The following WDR3 variants were observed in gnomAD, a reference collection of about 807,000 sequenced individuals.
WDR3 encodes WD repeat-containing protein 3.
A neutral mutation model predicts 123.7 loss-of-function variants in WDR3; 81 were observed. The ratio of observed to expected loss-of-function variants is 0.65; its 90% confidence interval spans 0.55 to 0.79. The LOEUF is 0.79. Among genes scored for constraint, WDR3 ranks in the 30% least tolerant of loss-of-function variants. WDR3 has a pLI of 0.00. For synonymous variants in WDR3, 390 were observed against 388.8 expected, an observed-to-expected ratio of 1.00 and a Z score of -0.04; for missense variants, 1,027 against 1,123.2, an observed-to-expected ratio of 0.91 and a Z score of 1.22.
Position 117,943,483 on chromosome 1 carries a change from T to A in WDR3, c.1185T>A (p.Asn395Lys). The change falls in exon 11 of 27, where the codon AAT (asparagine) becomes AAA (lysine). Residue 395 changes from asparagine (N) to lysine (K), a missense_variant. Transcript: ENST00000349139. ...ACCTGGTGGAATTGTATTCACTGAA[T>A]CCATCCTTGCCTACTCCTCAGCCTG... ...QNNLVELYSL[N>K]PSLPTPQPVR... 6.2e-7 allele frequency: 1 copy of A among 1,614,144 alleles called. No homozygotes were observed. The highest frequency in any genetic ancestry group is 8.5e-7 in the Non-Finnish European group (1 of 1,180,032).
At chr1:117,948,335 T>C (rs1034082287) in intron 12 of WDR3, 70 bp from the exon 13 acceptor site, 20 of 1,344,910 alleles carry the variant, frequency 1.5e-5, no homozygotes, top group Admixed American at 5.6e-5. Context: ...CTTTTCTAAA[T>C]TGTGCAGTCA....
Position 117,939,509 on chromosome 1 carries a change from G to A in WDR3, c.612G>A (p.Lys204=), listed in dbSNP as rs185909587. The change falls in exon 6 of 27, where the codon AAG becomes AAA. Residue 204 remains lysine, a synonymous_variant. Transcript: ENST00000349139. ...GGTTGGTTCTGTTGTCAGAAGAAAA[G>A]CGACTCATCACTGGGGCCTCAGACA... ...VWGLVLLSEE[K]RLITGASDSE... is the part of the protein sequence containing the mutation. The A allele has an allele frequency of 5.6e-5, 91 of 1,613,760 alleles. 1 individual carries two copies. The East Asian group carries it at 1.7e-3, about 30-fold the overall frequency.
chr1:117,946,477 A>G (rs1651385147), intron 12 of WDR3, among the ~76,000 whole-genome samples: 1 of 152,202 alleles, frequency 6.6e-6, no homozygotes. Context: ...GATAAAATAT[A>G]TTAAGGGTAA....
chr1:117,933,688 A>C (rs1388096779), intron 2 of WDR3, 198 bp downstream of exon 2: 3 of 669,398 alleles, frequency 4.5e-6, no homozygotes, highest in Non-Finnish European at 8.0e-6. Flanking sequence ...TCTGAAAACC[A>C]CAATGAAATA....
intron 4 of WDR3, 36 bp from the exon 5 acceptor site, chr1:117,938,444 A>G (rs373615220): frequency 4.4e-6 from 7 of 1,577,554 alleles, no homozygotes; most frequent in Non-Finnish European, 6.1e-6. Flanking sequence ...GTTTTCCTAA[A>G]CAGGCTATAT....
At chr1:117,952,847 ATTATG>A (rs1651681816) in intron 19 of WDR3, 94 bp from the exon 20 acceptor site, 1 of 1,464,692 alleles carries the variant, frequency 6.8e-7, no homozygotes, top group Non-Finnish European at 9.4e-7. Flanking sequence ...CCATTAGGGT[ATTATG>A]TTGTCAAAGG....
chr1:117,960,133 TGTG>T lies in WDR3; in HGVS notation c.*687_*689del, dbSNP rs2101344202. 1 of 151,156 alleles carries T rather than the reference TGTG, an allele frequency of 6.6e-6. No homozygotes were observed. The highest frequency in any genetic ancestry group is 1.5e-5 in the Non-Finnish European group (1 of 68,078). 9.4% of individuals were successfully genotyped at this position (151,156 alleles called of 1,614,324 possible). On this transcript the variant is annotated 3_prime_UTR_variant, in exon 27 of 27. Transcript: ENST00000349139. ...TCGTGTGTGTGTGTGTGTGTGTGTG[TGTG>T]TGTGTGTGTGTATGTGTATGTGTAT...
At chr1:117,931,317 T>C (rs1650709861) in intron 1 of WDR3, among the ~76,000 whole-genome samples, 2 of 152,364 alleles carry the variant, frequency 1.3e-5, no homozygotes, top group East Asian at 1.9e-4. Context: ...TTAATTGCTG[T>C]ATGTAATTAA....
At chr1:117,957,563 C>T (rs1384606537) in intron 25 of WDR3, among the ~76,000 whole-genome samples, 2 of 152,238 alleles carry the variant, frequency 1.3e-5, no homozygotes, top group Non-Finnish European at 2.9e-5. Context: ...GCCAGTTTGC[C>T]TCATTTGTTG....
intron 16 of WDR3, 117 bp downstream of exon 16, chr1:117,951,007 A>G (rs1651589562): frequency 5.3e-6 from 4 of 748,664 alleles, no homozygotes; most frequent in Admixed American, 2.9e-5. Context: ...ATTCTGTTAT[A>G]TATCTTTCTC....
rs1653271396 is a variant in WDR3 at position 117,962,737 on chromosome 1, C to CA, written c.*3291dup. The CA allele has an allele frequency of 6.6e-6, 1 of 152,200 alleles. No individual in the cohort carries two copies. The highest frequency in any genetic ancestry group is 1.5e-5 in the Non-Finnish European group (1 of 68,044). The allele number at this position is 152,200 out of a possible 1,614,324, so 9.4% of individuals were successfully genotyped here. A position where few individuals can be genotyped will look rare whatever the true frequency, so the allele number is the denominator to read the frequency against. ...ATGGCAAATGTCATAAATTATATCT[C>CA]ATTCTAAAGATATCTAGCAAATCTC... is the stretch of plus-strand genomic sequence containing the variant. On this transcript the variant is annotated 3_prime_UTR_variant, in exon 27 of 27. Coordinates refer to ENST00000349139, the MANE Select transcript of WDR3 (RefSeq NM_006784.3).
At chr1:117,957,385 C>G (rs752377374) in intron 25 of WDR3, among the ~76,000 whole-genome samples, 189 bp downstream of exon 25, 3 of 152,126 alleles carry the variant, frequency 2.0e-5, no homozygotes, top group Non-Finnish European at 4.4e-5. Context: ...GCTACCAGCC[C>G]AAGCAATCAG....
At chr1:117,945,119 C>T (rs1651323426) in intron 11 of WDR3, among the ~76,000 whole-genome samples, 1 of 152,214 alleles carries the variant, frequency 6.6e-6, no homozygotes, top group African/African-American at 2.4e-5. Flanking sequence ...ATTCAAACCA[C>T]TGTCATCTCT....
At chr1:117,937,639 C>A (rs7543388) in intron 4 of WDR3, among the ~76,000 whole-genome samples, 68,950 of 151,850 alleles carry the variant, frequency 0.45, 15,906 homozygotes, top group South Asian at 0.63. Context: ...AATATAAAGG[C>A]AAAGAAATAA....
intron 24 of WDR3, among the ~76,000 whole-genome samples, chr1:117,956,139 T>G (rs770812707): frequency 1.9e-4 from 29 of 152,196 alleles, no homozygotes; most frequent in Non-Finnish European, 3.5e-4. Context: ...TCCTGTGAAT[T>G]TTTAGTTACC....
chr1:117,958,144 A>C (rs74114934), intron 25 of WDR3, among the ~76,000 whole-genome samples: 3,600 of 152,280 alleles, frequency 0.024, 140 homozygotes, highest in African/African-American at 0.08. Flanking sequence ...GCCAATGCCA[A>C]ATAGTTAAAC....
rs910282811 is a variant in WDR3 at position 117,964,687 on chromosome 1, T to C, written c.*5240T>C. On this transcript the variant is annotated 3_prime_UTR_variant, in exon 27 of 27. Transcript: ENST00000349139. ...TTGTTTATGGTTTACTTACTTTATG[T>C]ATTGTCTGTCCTCCCACTGGAATGT... The C allele has an allele frequency of 1.3e-5, 2 of 152,208 alleles. No homozygotes were observed. Among genetic ancestry groups the C allele is most frequent in the Non-Finnish European group, 2.9e-5 (2 of 68,026 alleles). The allele number at this position is 152,208 out of a possible 1,614,324, so 9.4% of individuals were successfully genotyped here.
In WDR3 at chr1:117,941,068, T is replaced by C. The variant is rs907688883; in HGVS notation, c.790-56T>C. The stretch of plus-strand genomic sequence containing the variant: ...TGCACTTATTAGAATTATGTTTTTT[T>C]CAGAAGTTCAGCAGAACTTACATCT... On this transcript the variant is annotated intron_variant, in intron 7 of 26. Coordinates refer to ENST00000349139, the MANE Select transcript of WDR3 (RefSeq NM_006784.3). 3.1e-6 allele frequency: 5 copies of C among 1,599,118 alleles called. No homozygotes were observed. The Admixed American group carries it at 5.1e-5, about 16-fold the overall frequency.
chr1:117,960,233 C>A lies in WDR3; in HGVS notation c.*786C>A, dbSNP rs540543637. ...GGGGCACTGACCCACCCCTACGCCC[C>A]GCACAGTCAAAAATCTGCATATAAC... On this transcript the variant is annotated 3_prime_UTR_variant, in exon 27 of 27. Coordinates refer to ENST00000349139, the MANE Select transcript of WDR3 (RefSeq NM_006784.3). 1 of 151,816 alleles carries A rather than the reference C, an allele frequency of 6.6e-6. No individual in the cohort carries two copies. Among genetic ancestry groups the A allele is most frequent in the East Asian group, 1.9e-4 (1 of 5,172 alleles). 9.4% of individuals were successfully genotyped at this position (151,816 alleles called of 1,614,324 possible). A position where few individuals can be genotyped will look rare whatever the true frequency, so the allele number is the denominator to read the frequency against.
Sources: allele counts gnomAD v4.1 joint callset (sites outside exome capture counted in the v4.1 genomes callset), GRCh38; gene constraint gnomAD v4.1.1; transcripts MANE v1.5; gene names NCBI Gene and HGNC (gene_info 2026-07-23, HGNC 2026-07-21).